The following CTNNA3 variants were observed in gnomAD, a reference collection of about 807,000 sequenced individuals.
CTNNA3 encodes the protein catenin alpha 3.
A neutral mutation model predicts 95.7 loss-of-function variants in CTNNA3; 76 were observed. The ratio of observed to expected loss-of-function variants is 0.79; its 90% confidence interval spans 0.66 to 0.96. The LOEUF is 0.96. Ranked by LOEUF, CTNNA3 falls within the 40% of genes least tolerant of loss-of-function variation. The pLI, the probability that CTNNA3 is intolerant of heterozygous loss-of-function variation, is 0.00. For missense variants in CTNNA3, 1,191 were observed against 1,089.8 expected (o/e 1.09, Z -1.31); for synonymous variants, 431 against 374.4 (o/e 1.15, Z -1.74).
At chr10:66,089,286 A>G (rs2081119395) in intron 14 of CTNNA3, among the ~76,000 whole-genome samples, 1 of 151,672 alleles carries the variant, frequency 6.6e-6, no homozygotes. Context: ...ATTGCACACT[A>G]TTACTCTTGG....
At chr10:67,648,674 T>C (rs749502018) in intron 1 of CTNNA3, 2 of 1,091,428 alleles carry the variant, frequency 1.8e-6, no homozygotes, top group Admixed American at 3.0e-5. Flanking sequence ...AGTTTCAAAT[T>C]ACTGTTATTG....
chr10:66,000,570 C>A (rs1335682925), intron 15 of CTNNA3, among the ~76,000 whole-genome samples: 3 of 152,044 alleles, frequency 2.0e-5, no homozygotes, highest in Non-Finnish European at 4.4e-5. Context: ...TATTAAAGAT[C>A]AAAAACTTCC....
intron 11 of CTNNA3, among the ~76,000 whole-genome samples, chr10:66,481,673 G>C (rs996458037): frequency 2.2e-5 from 3 of 134,964 alleles, no homozygotes; most frequent in African/African-American, 1.0e-4. Flanking sequence ...GGGTTTCACC[G>C]TGTTAGCCAG....
At chr10:66,652,603 A>T (rs552868898) in intron 9 of CTNNA3, among the ~76,000 whole-genome samples, 1 of 152,298 alleles carries the variant, frequency 6.6e-6, no homozygotes, top group South Asian at 2.1e-4. Flanking sequence ...CTCTTCTGAA[A>T]AACATTGAAG....
At chr10:66,055,764 A>G (rs2080069820) in intron 15 of CTNNA3, among the ~76,000 whole-genome samples, 1 of 152,014 alleles carries the variant, frequency 6.6e-6, no homozygotes. Context: ...TCTACTAAAA[A>G]TACAGAAATT....
chr10:67,282,291 C>T (rs1839431415), intron 5 of CTNNA3, among the ~76,000 whole-genome samples: 1 of 152,084 alleles, frequency 6.6e-6, no homozygotes, highest in Admixed American at 6.5e-5. Context: ...GTTCCTAAGC[C>T]TAGCTGTGGA....
chr10:66,043,022 T>C (rs372095178), intron 15 of CTNNA3, among the ~76,000 whole-genome samples: 5 of 143,546 alleles, frequency 3.5e-5, no homozygotes, highest in Non-Finnish European at 7.5e-5. Context: ...AAGGATGAAA[T>C]TGACCATCTA....
chr10:66,308,595 C>G (rs2091962492), intron 12 of CTNNA3, among the ~76,000 whole-genome samples: 1 of 152,096 alleles, frequency 6.6e-6, no homozygotes, highest in African/African-American at 2.4e-5. Context: ...CTGAATCAAT[C>G]TTTTTATTTT....
intron 16 of CTNNA3, among the ~76,000 whole-genome samples, chr10:65,982,027 C>G (rs751461113): frequency 3.3e-5 from 5 of 151,680 alleles, no homozygotes; most frequent in Admixed American, 6.6e-5. Flanking sequence ...AGCTTCTGCA[C>G]AGAAAAAGAA....
intron 7 of CTNNA3, among the ~76,000 whole-genome samples, chr10:67,077,508 C>G (rs551338170): frequency 6.6e-6 from 1 of 152,256 alleles, no homozygotes; most frequent in South Asian, 2.1e-4. Flanking sequence ...CTGCCTGCCT[C>G]TCATCCTTTG....
At chr10:66,575,476 A>T (rs2132177109) in intron 10 of CTNNA3, among the ~76,000 whole-genome samples, 1 of 152,228 alleles carries the variant, frequency 6.6e-6, no homozygotes, top group East Asian at 1.9e-4. Flanking sequence ...ACTGAAAATG[A>T]TACTTGCAAT....
rs964990868 is a variant in CTNNA3, at chr10:66,088,533, A to G, written c.1977+14624T>C. On this transcript the variant is annotated intron_variant, in intron 14 of 17. Transcript: ENST00000433211. ...TGTGTGTGTGTGTGTGTGTGTGTGTATACTGAGTGGTGAATATCTTTCTGC... is the reference window on the plus strand; with the variant it reads ...TGTGTGTGTGTGTGTGTGTGTGTGTGTACTGAGTGGTGAATATCTTTCTGC... Among the ~76,000 whole-genome samples the G allele has an allele frequency of 1.4e-4, 18 of 127,814 alleles. No individual in the cohort carries two copies. The South Asian group carries it at 3.2e-3, about 22-fold the overall frequency. 83.9% of individuals were successfully genotyped at this position (127,814 alleles called of 152,430 possible).
chr10:66,456,766 T>C (rs2093497573), intron 11 of CTNNA3, among the ~76,000 whole-genome samples: 1 of 152,072 alleles, frequency 6.6e-6, no homozygotes, highest in African/African-American at 2.4e-5. Flanking sequence ...AAAAACATTA[T>C]GATGTAAATA....
intron 5 of CTNNA3, among the ~76,000 whole-genome samples, chr10:67,455,244 T>G (rs1847128206): frequency 6.6e-6 from 1 of 152,120 alleles, no homozygotes; most frequent in African/African-American, 2.4e-5. Flanking sequence ...AGGGTAGTTT[T>G]TAAAATAGGC....
intron 1 of CTNNA3, among the ~76,000 whole-genome samples, chr10:67,706,145 C>T (rs1841077513): frequency 6.6e-6 from 1 of 151,880 alleles, no homozygotes; most frequent in African/African-American, 2.4e-5. Flanking sequence ...GTGGGCAGAA[C>T]CATCTTGTAA....
intron 5 of CTNNA3, among the ~76,000 whole-genome samples, chr10:67,285,238 A>G (rs1839552022): frequency 6.6e-6 from 1 of 152,216 alleles, no homozygotes; most frequent in Non-Finnish European, 1.5e-5. Flanking sequence ...CCCAACTAAT[A>G]ACTAATGAAA....
intron 7 of CTNNA3, among the ~76,000 whole-genome samples, chr10:66,852,061 G>A (rs1843518102): frequency 6.6e-6 from 1 of 152,032 alleles, no homozygotes. Flanking sequence ...GGAATACAGT[G>A]TCACGATAAA....
At chr10:67,308,288 G>T (rs910441259) in intron 5 of CTNNA3, among the ~76,000 whole-genome samples, 4 of 152,190 alleles carry the variant, frequency 2.6e-5, no homozygotes, top group East Asian at 1.9e-4. Flanking sequence ...AGGGACCCGG[G>T]GGGGAAGTAA....
intron 11 of CTNNA3, among the ~76,000 whole-genome samples, chr10:66,437,688 G>A (rs533093521): frequency 1.2e-4 from 19 of 152,146 alleles, no homozygotes; most frequent in African/African-American, 3.6e-4. Flanking sequence ...CCCACCTTCC[G>A]AAGCCTACTT....
Sources: allele counts gnomAD v4.1 joint callset (sites outside exome capture counted in the v4.1 genomes callset), GRCh38; gene constraint gnomAD v4.1.1; transcripts MANE v1.5; gene names NCBI Gene and HGNC (gene_info 2026-07-23, HGNC 2026-07-21).